DOCK3: variants seen among roughly 807,000 people sequenced by gnomAD.
The protein encoded by DOCK3 is dedicator of cytokinesis protein 3.
A neutral mutation model predicts 265.6 loss-of-function variants in DOCK3; 60 were observed. The observed-to-expected ratio is 0.23, with a 90% CI of 0.18 to 0.28. DOCK3 has a LOEUF of 0.28. Among genes scored for constraint, DOCK3 ranks in the 10% least tolerant of loss-of-function variants. DOCK3 has a pLI of 1.00. For synonymous variants in DOCK3, 881 were observed against 938.0 expected (o/e 0.94, Z 1.11); for missense variants, 1,981 against 2,594.3 (o/e 0.76, Z 5.14).
intron 22 of DOCK3, among the ~76,000 whole-genome samples, chr3:51,258,245 G>A (rs1239191741): frequency 6.6e-6 from 1 of 152,112 alleles, no homozygotes; most frequent in Non-Finnish European, 1.5e-5. Context: ...GGAGTAGTAT[G>A]GAGCACATAA....
chr3:51,113,292 C>T (rs1369133099), intron 9 of DOCK3, among the ~76,000 whole-genome samples: 1 of 152,152 alleles, frequency 6.6e-6, no homozygotes, highest in Non-Finnish European at 1.5e-5. Context: ...GGCATGACCT[C>T]TCTAAAGAGG....
At chr3:51,332,143 A>G (rs4974105) in intron 33 of DOCK3, among the ~76,000 whole-genome samples, 132,782 of 152,224 alleles carry the variant, frequency 0.87, 58,007 homozygotes, top group East Asian at 0.94. Flanking sequence ...TAGACCCCTA[A>G]CTGGGTCTGC....
chr3:51,074,284 C>G (rs1049500237), intron 6 of DOCK3, among the ~76,000 whole-genome samples: 1 of 152,134 alleles, frequency 6.6e-6, no homozygotes, highest in Non-Finnish European at 1.5e-5. Context: ...TTTCAGAGGT[C>G]TACAACCCTA....
At position 50,773,142 on chromosome 3, in the gene DOCK3, G is replaced by A. The variant is rs559496970; in HGVS notation, c.38-5533G>A. On this transcript the variant is annotated intron_variant, in intron 1 of 52. Transcript: ENST00000266037. The stretch of plus-strand genomic sequence containing the variant: ...AACCTAAAATAAGTCCACAGTTACA[G>A]CCAACTTATTTTTGACAAAGGTGCC... Among the ~76,000 whole-genome samples the A allele has an allele frequency of 2.0e-5, 3 of 152,166 alleles. No homozygotes were observed. The East Asian group carries it at 5.8e-4, about 29-fold the overall frequency.
intron 3 of DOCK3, among the ~76,000 whole-genome samples, chr3:50,868,762 G>T (rs1264574074): frequency 6.6e-6 from 1 of 151,982 alleles, no homozygotes; most frequent in Non-Finnish European, 1.5e-5. Context: ...GGATGTCTAG[G>T]AATTTGTCCA....
At chr3:51,179,894 G>A (rs888870269) in intron 12 of DOCK3, among the ~76,000 whole-genome samples, 4 of 151,886 alleles carry the variant, frequency 2.6e-5, no homozygotes, top group African/African-American at 9.7e-5. Flanking sequence ...TTGGGCAACA[G>A]AACGAGACCT....
At chr3:50,871,661 T>C (rs372646273) in intron 3 of DOCK3, among the ~76,000 whole-genome samples, 1 of 152,180 alleles carries the variant, frequency 6.6e-6, no homozygotes, top group South Asian at 2.1e-4. Context: ...TCAGATTTGC[T>C]CTTTTGAGGC....
At chr3:50,932,941 TCA>T (rs1206520750) in intron 4 of DOCK3, among the ~76,000 whole-genome samples, 3 of 152,220 alleles carry the variant, frequency 2.0e-5, no homozygotes, top group Non-Finnish European at 2.9e-5. Flanking sequence ...TTTAATGGAC[TCA>T]CAGTTCCACG....
At chr3:50,867,380 A>C (rs80257383) in intron 3 of DOCK3, among the ~76,000 whole-genome samples, 1 of 151,984 alleles carries the variant, frequency 6.6e-6, no homozygotes, top group Admixed American at 6.5e-5. Context: ...GGATAACTTG[A>C]CTTTTTTCTT....
chr3:50,680,512 C>CTTTTT (rs3066820), intron 1 of DOCK3, among the ~76,000 whole-genome samples: 1 of 72,944 alleles, frequency 1.4e-5, no homozygotes, highest in Non-Finnish European at 2.5e-5. Context: ...CCGTGCCCTG[C>CTTTTT]TTTTTTTTTT....
chr3:50,741,763 G>A (rs1214485955), intron 1 of DOCK3, among the ~76,000 whole-genome samples: 2 of 152,068 alleles, frequency 1.3e-5, no homozygotes, highest in Non-Finnish European at 2.9e-5. Flanking sequence ...ATAGCAGCAT[G>A]ATTTATAGTC....
In DOCK3 at chr3:50,979,670, T is replaced by TA. The variant is rs61201788; in HGVS notation, c.315+45601dup. 5.3e-5 allele frequency among the ~76,000 whole-genome samples: 8 copies of TA among 152,160 alleles called. No homozygotes were observed. The South Asian group carries it at 8.3e-4, about 16-fold the overall frequency. ...ACCACAAAACAAATAAGCCTCTTTT[T>TA]AAAAAAAATAAATTACCCAGCCTCA... is the stretch of plus-strand genomic sequence containing the variant. On this transcript the variant is annotated intron_variant, in intron 5 of 52. Transcript: ENST00000266037.
intron 10 of DOCK3, among the ~76,000 whole-genome samples, chr3:51,147,489 CCT>C (rs979044145): frequency 6.6e-6 from 1 of 152,182 alleles, no homozygotes; most frequent in African/African-American, 2.4e-5. Context: ...TATCCCTCCC[CCT>C]GACCCCACAC....
intron 2 of DOCK3, among the ~76,000 whole-genome samples, chr3:50,827,022 AACTAAC>A (rs1490333940): frequency 6.6e-6 from 1 of 152,132 alleles, no homozygotes; most frequent in Non-Finnish European, 1.5e-5. Context: ...CCCAGGAAGA[AACTAAC>A]ACTAATAAAT....
chr3:51,279,079 T>C lies in DOCK3; in HGVS notation c.2824-1027T>C, dbSNP rs562653778. On this transcript the variant is annotated intron_variant, in intron 26 of 52. Transcript: ENST00000266037. ...GCCTGGCCAGCATGGCGAAACCCTGTCTACTAAAAATACAAAAAAAAAATT... is the reference window on the plus strand; with the variant it reads ...GCCTGGCCAGCATGGCGAAACCCTGCCTACTAAAAATACAAAAAAAAAATT... 5.3e-5 allele frequency among the ~76,000 whole-genome samples: 8 copies of C among 152,036 alleles called. No individual in the cohort carries two copies. In the East Asian group the frequency reaches 1.4e-3, roughly 26 times the overall value.
intron 5 of DOCK3, among the ~76,000 whole-genome samples, chr3:50,980,655 G>A (rs1484718481): frequency 4.6e-5 from 7 of 151,844 alleles, no homozygotes; most frequent in East Asian, 1.9e-4. Flanking sequence ...TGGTTTATTC[G>A]GGTTTTCTTT....
At chr3:50,755,214 A>T (rs560668753) in intron 1 of DOCK3, among the ~76,000 whole-genome samples, 10 of 152,370 alleles carry the variant, frequency 6.6e-5, no homozygotes, top group Middle Eastern at 6.8e-3. Flanking sequence ...GGTTAAGACC[A>T]TGTGAGCGAA....
chr3:51,366,405 T>C (rs2087173677), intron 49 of DOCK3, among the ~76,000 whole-genome samples: 1 of 152,198 alleles, frequency 6.6e-6, no homozygotes, highest in Admixed American at 6.5e-5. Flanking sequence ...TTGCTAGTGG[T>C]CTATCAATTT....
chr3:50,784,672 A>G (rs1273921740), intron 2 of DOCK3, among the ~76,000 whole-genome samples: 1 of 152,146 alleles, frequency 6.6e-6, no homozygotes, highest in Non-Finnish European at 1.5e-5. Context: ...TGTTTGTGTC[A>G]TCTATGTTTT....
Sources: allele counts gnomAD v4.1 joint callset (sites outside exome capture counted in the v4.1 genomes callset), GRCh38; gene constraint gnomAD v4.1.1; transcripts MANE v1.5; gene names NCBI Gene and HGNC (gene_info 2026-07-23, HGNC 2026-07-21).